CPNE8: variants seen among roughly 807,000 people sequenced by gnomAD.
The protein encoded by CPNE8 is copine-8.
Under a neutral mutation model 81.5 loss-of-function variants are expected in CPNE8, and 45 were observed. The ratio of observed to expected loss-of-function variants is 0.55; its 90% CI spans 0.44 to 0.71. The LOEUF (loss-of-function observed/expected upper bound fraction) is 0.71. Ranked by LOEUF, CPNE8 falls within the 30% of genes least tolerant of loss-of-function variation. CPNE8 has a pLI of 0.00. For synonymous variants in CPNE8, 252 were observed against 226.3 expected (o/e 1.11, Z -1.02); for missense variants, 594 against 672.1 (o/e 0.88, Z 1.28).
At chr12:38,743,412 C>T (rs1206112875) in intron 10 of CPNE8, among the ~76,000 whole-genome samples, 1 of 151,914 alleles carries the variant, frequency 6.6e-6, no homozygotes. Flanking sequence ...TTAATGTAGA[C>T]TATATTATCT....
intron 10 of CPNE8, among the ~76,000 whole-genome samples, chr12:38,733,043 T>C (rs545889534): frequency 1.3e-5 from 2 of 152,110 alleles, no homozygotes; most frequent in African/African-American, 4.8e-5. Context: ...GAGAAGTAGA[T>C]GATCCAGCAG....
intron 10 of CPNE8, among the ~76,000 whole-genome samples, chr12:38,745,364 A>T (rs984827230): frequency 1.3e-5 from 2 of 152,188 alleles, no homozygotes; most frequent in Non-Finnish European, 2.9e-5. Context: ...CTCTCAGGAA[A>T]CATCCATGCT....
intron 1 of CPNE8, among the ~76,000 whole-genome samples, chr12:38,893,676 C>T (rs192151477): frequency 9.2e-5 from 14 of 152,276 alleles, no homozygotes; most frequent in Non-Finnish European, 1.9e-4. Flanking sequence ...GATCCAAGAA[C>T]CCTCTCTTGG....
At chr12:38,846,695 G>T (rs1940000947) in intron 4 of CPNE8, among the ~76,000 whole-genome samples, 1 of 152,030 alleles carries the variant, frequency 6.6e-6, no homozygotes, top group Non-Finnish European at 1.5e-5. Context: ...TGATTTCAAA[G>T]ATTTAGAACC....
intron 13 of CPNE8, among the ~76,000 whole-genome samples, chr12:38,715,031 C>T (rs1188626559): frequency 6.6e-6 from 1 of 152,052 alleles, no homozygotes; most frequent in Non-Finnish European, 1.5e-5. Flanking sequence ...TAATTGGATT[C>T]ACGAGTAAAA....
chr12:38,683,282 A>G (rs77978527), intron 16 of CPNE8, among the ~76,000 whole-genome samples: 3,324 of 152,284 alleles, frequency 0.022, 55 homozygotes, highest in Middle Eastern at 0.068. Flanking sequence ...GGAAAATAAT[A>G]TCAAGCCAAT....
chr12:38,824,844 C>T (rs1046084073), intron 6 of CPNE8, among the ~76,000 whole-genome samples: 1 of 152,118 alleles, frequency 6.6e-6, no homozygotes, highest in Non-Finnish European at 1.5e-5. Flanking sequence ...GGGAAAATCA[C>T]CTAACCTCTC....
chr12:38,802,837 C>G (rs1472453979), intron 6 of CPNE8, among the ~76,000 whole-genome samples: 42 of 141,478 alleles, frequency 3.0e-4, no homozygotes, highest in Non-Finnish European at 5.2e-4. Flanking sequence ...CACCACCGAT[C>G]CCACAGAAAT....
intron 1 of CPNE8, 133 bp from the exon 2 acceptor site, chr12:38,874,644 T>C (rs935926463): frequency 2.0e-6 from 1 of 510,880 alleles, no homozygotes; most frequent in African/African-American, 2.0e-5. Context: ...CATATACATA[T>C]ATATGACTAA....
chr12:38,867,090 C>T (rs374918328), intron 3 of CPNE8, among the ~76,000 whole-genome samples: 23 of 152,178 alleles, frequency 1.5e-4, no homozygotes, highest in African/African-American at 5.3e-4. Context: ...AACTCCTGAC[C>T]TCAGGTGACC....
Position 38,654,078 on chromosome 12 carries a change from A to AGAGAC in CPNE8, c.1507-13_1507-9dup, listed in dbSNP as rs758723744. On this transcript the variant is annotated splice_polypyrimidine_tract_variant and intron_variant, in intron 19 of 19. Transcript: ENST00000331366. ...ATCCCTGAATGGCACAAACTAAAAC[A>AGAGAC]GAGACGAAAGAAAGTTATTTCACAG... 1.5e-5 allele frequency: 23 copies of AGAGAC among 1,577,852 alleles called. No individual in the cohort carries two copies. In the East Asian group the frequency reaches 5.3e-4, roughly 36 times the overall value.
chr12:38,795,658 T>G (rs1942442864), intron 6 of CPNE8, among the ~76,000 whole-genome samples: 1 of 152,138 alleles, frequency 6.6e-6, no homozygotes, highest in Non-Finnish European at 1.5e-5. Flanking sequence ...ATGAAATATC[T>G]AAAGTAATCA....
At chr12:38,727,192 A>T (rs1315031374) in intron 11 of CPNE8, among the ~76,000 whole-genome samples, 1 of 152,160 alleles carries the variant, frequency 6.6e-6, no homozygotes, top group East Asian at 1.9e-4. Context: ...CTCATTCAAG[A>T]CAAAGAGTAA....
intron 6 of CPNE8, among the ~76,000 whole-genome samples, chr12:38,787,760 A>T (rs1942228986): frequency 6.6e-6 from 1 of 151,682 alleles, no homozygotes; most frequent in South Asian, 2.1e-4. Flanking sequence ...GAAAGACAAG[A>T]CATTACAACT....
At chr12:38,790,751 A>C (rs1942303148) in intron 6 of CPNE8, among the ~76,000 whole-genome samples, 1 of 151,756 alleles carries the variant, frequency 6.6e-6, no homozygotes, top group African/African-American at 2.4e-5. Flanking sequence ...AAAATTAAAA[A>C]GATTTAAAAA....
At chr12:38,831,909 C>T (rs539849370) in intron 5 of CPNE8, among the ~76,000 whole-genome samples, 5 of 152,092 alleles carry the variant, frequency 3.3e-5, no homozygotes, top group African/African-American at 1.2e-4. Context: ...TGGACTTTGC[C>T]AATGGAGTAG....
At chr12:38,731,864 AC>A (rs527295840) in intron 10 of CPNE8, among the ~76,000 whole-genome samples, 151 of 152,004 alleles carry the variant, frequency 9.9e-4, no homozygotes, top group African/African-American at 3.5e-3. Context: ...ATTCTCTTTG[AC>A]CTTCAAAAGT....
At chr12:38,893,577 G>C (rs1944343571) in intron 1 of CPNE8, among the ~76,000 whole-genome samples, 1 of 152,164 alleles carries the variant, frequency 6.6e-6, no homozygotes, top group East Asian at 1.9e-4. Context: ...CTCTGCCTAT[G>C]GGTTAGCCCT....
In CPNE8 at chr12:38,691,631, A is replaced by C. The variant is rs1057004981; in HGVS notation, c.1143+2026T>G. The stretch of plus-strand genomic sequence containing the variant: ...CAATGTGGGAGACTATTTTTCATAG[A>C]TTTAAAGAGGTCTGATCTCTCTGTC... On this transcript the variant is annotated intron_variant, in intron 15 of 19. Coordinates refer to ENST00000331366, the MANE Select transcript of CPNE8 (RefSeq NM_153634.3). 3.3e-5 allele frequency among the ~76,000 whole-genome samples: 5 copies of C among 152,064 alleles called. No individual in the cohort carries two copies. The East Asian group carries it at 9.6e-4, about 29-fold the overall frequency.
Sources: gnomAD v4.1 joint callset for allele counts (sites outside exome capture counted in the v4.1 genomes callset) on GRCh38, gnomAD v4.1.1 for gene constraint, MANE v1.5 for transcripts, NCBI Gene and HGNC (gene_info 2026-07-23, HGNC 2026-07-21) for gene names.